Variants in PON2 observed in about 807,000 individuals in gnomAD.
The protein encoded by PON2 is serum paraoxonase/arylesterase 2.
A neutral mutation model predicts 36.6 loss-of-function variants in PON2; 27 were observed. The observed-to-expected ratio is 0.74, with a 90% CI of 0.54 to 1.02. The LOEUF is 1.02. Among genes scored for constraint, PON2 ranks in the 50% least tolerant of loss-of-function variants. The pLI is 0.00. For synonymous variants in PON2, 149 were observed against 156.3 expected (o/e 0.95, Z 0.35); for missense variants, 363 against 421.1 (o/e 0.86, Z 1.21).
chr7:95,407,735 GT>G, intron 6 of PON2, among the ~76,000 whole-genome samples: 1 of 150,264 alleles, frequency 6.7e-6, no homozygotes, highest in Middle Eastern at 3.4e-3. Flanking sequence ...TTTATAGTGT[GT>G]TGGAACAAAT....
chr7:95,430,197 G>C (rs1789404493), intron 1 of PON2, among the ~76,000 whole-genome samples: 1 of 152,056 alleles, frequency 6.6e-6, no homozygotes, highest in African/African-American at 2.4e-5. Flanking sequence ...GGGCTCAGTA[G>C]CTCATACCCA....
intron 2 of PON2, among the ~76,000 whole-genome samples, chr7:95,417,622 A>T (rs1562788720): frequency 9.9e-6 from 1 of 100,702 alleles, no homozygotes; most frequent in African/African-American, 2.8e-5. Flanking sequence ...CACTGGTAAT[A>T]AGTTAAGAAT....
chr7:95,425,765 T>C (rs1249760364), intron 1 of PON2, among the ~76,000 whole-genome samples: 1 of 152,210 alleles, frequency 6.6e-6, no homozygotes, highest in East Asian at 1.9e-4. Flanking sequence ...ATAAAGTTTC[T>C]AATTAAAATG....
chr7:95,425,321 G>A (rs1789291532), intron 1 of PON2, among the ~76,000 whole-genome samples: 2 of 152,080 alleles, frequency 1.3e-5, no homozygotes, highest in Non-Finnish European at 2.9e-5. Flanking sequence ...TGTATACCCA[G>A]AAAATTAAAA....
rs772470054 is a variant in PON2, at chr7:95,434,987, T to G, written c.-36A>C. On this transcript the variant is annotated 5_prime_UTR_variant, in exon 1 of 9. Transcript: ENST00000222572. ...CCGGGCGCGCTGCCTCGCTCCGGCC[T>G]GGCCAGCAGCTCCGTGGGCGGTGCC... 2 of 1,507,986 alleles carry G rather than the reference T, an allele frequency of 1.3e-6. No individual in the cohort carries two copies. Among genetic ancestry groups the G allele is most frequent in the African/African-American group, 1.4e-5 (1 of 69,148 alleles). The allele number at this position is 1,507,986 out of a possible 1,614,324, so 93.4% of individuals were successfully genotyped here.
chr7:95,410,078 C>G lies in PON2; in HGVS notation c.518G>C (p.Gly173Ala), dbSNP rs1216043803. 1 of 1,613,338 alleles carries G rather than the reference C, an allele frequency of 6.2e-7. No homozygotes were observed. Among genetic ancestry groups the G allele is most frequent in the African/African-American group, 1.3e-5 (1 of 74,836 alleles). ...ATTTGTGGCATAGAAATGTGCCGGTCCAACAGCTGTGATGTCATTCACACT... is the reference window on the plus strand; with the variant it reads ...ATTTGTGGCATAGAAATGTGCCGGTGCAACAGCTGTGATGTCATTCACACT... ...LPSVNDITAV[G>A]PAHFYATNDH... is the part of the protein sequence containing the mutation. The change falls in exon 6 of 9, where the codon GGA (glycine) becomes GCA (alanine). Residue 173 changes from glycine (G) to alanine (A), a missense_variant. Transcript: ENST00000222572.
chr7:95,423,439 A>G (rs752576604), intron 2 of PON2, among the ~76,000 whole-genome samples: 42 of 152,250 alleles, frequency 2.8e-4, no homozygotes, highest in Admixed American at 4.6e-4. Context: ...GTAGATGATA[A>G]AGGGTAAAAG....
At chr7:95,426,326 G>C (rs1789316393) in intron 1 of PON2, among the ~76,000 whole-genome samples, 1 of 152,136 alleles carries the variant, frequency 6.6e-6, no homozygotes. Context: ...TGATGATGAG[G>C]ATGACACTGA....
intron 3 of PON2, chr7:95,415,030 T>C (rs1480680912): frequency 6.6e-6 from 1 of 152,176 alleles, no homozygotes; most frequent in African/African-American, 2.4e-5. Context: ...TTCTCATAAG[T>C]CTAACAACTA....
In PON2 at chr7:95,405,152, ATTTTCC is replaced by A; in HGVS notation, c.*172_*177del. 2 of 628,098 alleles carry A rather than the reference ATTTTCC, an allele frequency of 3.2e-6. No homozygotes were observed. Among genetic ancestry groups the A allele is most frequent in the Non-Finnish European group, 5.4e-6 (2 of 370,062 alleles). The allele number at this position is 628,098 out of a possible 1,614,324, so 38.9% of individuals were successfully genotyped here. ...GCTTGGCATTTTAAAGAACCTGTTC[ATTTTCC>A]TTTTTTGTTAAAAGTGCTCTAAGAA... On this transcript the variant is annotated 3_prime_UTR_variant, in exon 9 of 9. Transcript: ENST00000222572.
At chr7:95,406,286 G>T in intron 7 of PON2, 39 bp from the exon 8 acceptor site, 1 of 1,592,102 alleles carries the variant, frequency 6.3e-7, no homozygotes, top group Non-Finnish European at 8.6e-7. Context: ...AATGACATGA[G>T]AAACTTGATT....
chr7:95,411,625 T>G (rs1188679255), intron 5 of PON2, 28 bp downstream of exon 5: 9 of 1,613,298 alleles, frequency 5.6e-6, no homozygotes, highest in African/African-American at 1.3e-5. Context: ...TGGGGATAAA[T>G]TAGAGAAGGA....
intron 1 of PON2, among the ~76,000 whole-genome samples, chr7:95,433,800 C>T (rs1789498205): frequency 1.3e-5 from 2 of 152,328 alleles, no homozygotes; most frequent in East Asian, 1.9e-4. Flanking sequence ...GTGTTGCACC[C>T]ACCCTTCAAG....
chr7:95,416,940 A>T (rs1789077315), intron 2 of PON2, among the ~76,000 whole-genome samples: 1 of 152,204 alleles, frequency 6.6e-6, no homozygotes, highest in African/African-American at 2.4e-5. Flanking sequence ...GGCTACAATT[A>T]CTATTGATTG....
At position 95,411,671 on chromosome 7, in the gene PON2, T is replaced by A. The variant is rs1463300509; in HGVS notation, c.476A>T (p.Lys159Ile). The change falls in exon 5 of 9, where the codon AAA becomes ATA. Residue 159 changes from lysine to isoleucine, a missense_variant. Coordinates refer to ENST00000222572, the MANE Select transcript of PON2 (RefSeq NM_000305.3). Reference protein sequence around the residue: ...ENSLLHLKTVKHELLPSVNDI... With the variant: ...ENSLLHLKTVIHELLPSVNDI... Reference sequence around the variant, plus strand: ...GAAGTACCTTGGAAGAAGCTCATGTTTGACTGTTTTCAGATGCAACAGAGA... The same window carrying A: ...GAAGTACCTTGGAAGAAGCTCATGTATGACTGTTTTCAGATGCAACAGAGA... 1.2e-6 allele frequency: 2 copies of A among 1,613,932 alleles called. No homozygotes were observed. Among genetic ancestry groups the A allele is most frequent in the African/African-American group, 1.3e-5 (1 of 74,930 alleles).
rs1809713395 is a variant in PON2 at position 95,406,967 on chromosome 7, T to G, written c.777+20A>C. On this transcript the variant is annotated intron_variant, in intron 7 of 8. Transcript: ENST00000222572. ...AAAGCATAATAGATTACTGTCTATA[T>G]GTAAAAATAAATATTTTACCTTCAA... The G allele has an allele frequency of 7.3e-7, 1 of 1,376,502 alleles. No homozygotes were observed. Among genetic ancestry groups the G allele is most frequent in the Non-Finnish European group, 1.0e-6 (1 of 974,604 alleles). 85.3% of individuals were successfully genotyped at this position (1,376,502 alleles called of 1,614,324 possible). A position where few individuals can be genotyped will look rare whatever the true frequency, so the allele number is the denominator to read the frequency against.
chr7:95,427,237 A>AC (rs1309616884), intron 1 of PON2, among the ~76,000 whole-genome samples: 1 of 152,092 alleles, frequency 6.6e-6, no homozygotes, highest in African/African-American at 2.4e-5. Flanking sequence ...AAACTGCCAG[A>AC]CTTTTTCCCT....
chr7:95,418,587 C>G (rs1171972259), intron 2 of PON2, among the ~76,000 whole-genome samples: 2 of 152,134 alleles, frequency 1.3e-5, no homozygotes, highest in East Asian at 3.8e-4. Context: ...AATGAATATC[C>G]TGCACTTTTC....
rs376864339 is a variant in PON2, at chr7:95,409,895, C to T, written c.695+6G>A. ...AAAAATGAAGATATTCTATAAGGGG[C>T]CATACTTATCATCAGGTGAAATATT... On this transcript the variant is annotated splice_donor_region_variant and intron_variant, in intron 6 of 8. Coordinates refer to ENST00000222572, the MANE Select transcript of PON2 (RefSeq NM_000305.3). The T allele has an allele frequency of 1.7e-5, 28 of 1,611,058 alleles. No individual in the cohort carries two copies. Among genetic ancestry groups the T allele is most frequent in the Non-Finnish European group, 2.4e-5 (28 of 1,178,550 alleles).
Sources: gnomAD v4.1 joint callset for allele counts (sites outside exome capture counted in the v4.1 genomes callset) on GRCh38, gnomAD v4.1.1 for gene constraint, MANE v1.5 for transcripts, NCBI Gene and HGNC (gene_info 2026-07-23, HGNC 2026-07-21) for gene names.